Variants in ROBO2 observed in about 807,000 individuals in gnomAD.
ROBO2 encodes roundabout guidance receptor 2.
A neutral mutation model predicts 160.8 loss-of-function variants in ROBO2; 53 were observed. The observed-to-expected ratio is 0.33, with a 90% CI of 0.26 to 0.41. The LOEUF is 0.41. Ranked by LOEUF, ROBO2 falls within the 10% of genes least tolerant of loss-of-function variation. ROBO2 has a pLI of 1.00. For synonymous variants in ROBO2, 664 were observed against 611.7 expected, an observed-to-expected ratio of 1.09 and a Z score of -1.26; for missense variants, 1,577 against 1,722.4, an observed-to-expected ratio of 0.92 and a Z score of 1.49.
intron 2 of ROBO2, among the ~76,000 whole-genome samples, chr3:76,163,742 C>T (rs923995977): frequency 1.7e-4 from 24 of 141,660 alleles, no homozygotes; most frequent in Admixed American, 1.6e-3. Flanking sequence ...AATGCACATA[C>T]CATAATTAGT....
chr3:76,759,113 A>G (rs1443886572), intron 2 of ROBO2, among the ~76,000 whole-genome samples: 3 of 151,830 alleles, frequency 2.0e-5, no homozygotes, highest in Non-Finnish European at 2.9e-5. Context: ...TTAGAACTGG[A>G]ACGAAACTTA....
intron 2 of ROBO2, among the ~76,000 whole-genome samples, chr3:76,465,685 AC>A (rs1228130735): frequency 6.6e-5 from 10 of 151,990 alleles, no homozygotes; most frequent in African/African-American, 2.4e-4. Flanking sequence ...AGGTTGAAGA[AC>A]CACCATTTTA....
At chr3:76,783,888 A>G (rs1483595212) in intron 2 of ROBO2, among the ~76,000 whole-genome samples, 1 of 151,072 alleles carries the variant, frequency 6.6e-6, no homozygotes, top group Non-Finnish European at 1.5e-5. Context: ...CATACATATC[A>G]TCAGCTTTCT....
chr3:77,048,789 C>G (rs1026419390), intron 1 of ROBO2, among the ~76,000 whole-genome samples: 1 of 152,094 alleles, frequency 6.6e-6, no homozygotes, highest in Non-Finnish European at 1.5e-5. Context: ...GAAAGGATAG[C>G]CTGAATAAAA....
intron 2 of ROBO2, among the ~76,000 whole-genome samples, chr3:77,158,489 G>A (rs1215067086): frequency 6.6e-6 from 1 of 152,084 alleles, no homozygotes; most frequent in Non-Finnish European, 1.5e-5. Flanking sequence ...TGGAGAAAAA[G>A]TGGTTTACAA....
rs115300108 is a variant in ROBO2, at chr3:77,628,615, T to C, written c.3760+6183T>C. On this transcript the variant is annotated intron_variant, in intron 23 of 25. Transcript: ENST00000461745. ...AACATCTTATATACTATTTGATTCA[T>C]GGAATGTGGCCAAATGTCTTTTAAA... Among the ~76,000 whole-genome samples the C allele has an allele frequency of 3.0e-3, 451 of 152,308 alleles. 2 individuals carry two copies. The highest frequency in any genetic ancestry group is 0.01 in the African/African-American group (420 of 41,568).
intron 1 of ROBO2, among the ~76,000 whole-genome samples, chr3:77,056,001 G>A (rs908867282): frequency 1.2e-4 from 18 of 152,202 alleles, no homozygotes; most frequent in Non-Finnish European, 2.4e-4. Flanking sequence ...TTTTGAGAGA[G>A]GATTTAGGAC....
intron 2 of ROBO2, among the ~76,000 whole-genome samples, chr3:77,301,058 A>G (rs1053154216): frequency 3.5e-5 from 5 of 141,002 alleles, no homozygotes; most frequent in African/African-American, 6.4e-5. Context: ...TAGTAGAGAC[A>G]GGGTTTCACC....
At chr3:77,469,359 T>C (rs1262951740) in intron 2 of ROBO2, among the ~76,000 whole-genome samples, 2 of 152,122 alleles carry the variant, frequency 1.3e-5, no homozygotes, top group Non-Finnish European at 2.9e-5. Flanking sequence ...CTGCCACCTA[T>C]AGCCATGTAG....
chr3:76,205,718 A>C (rs1702768825), intron 2 of ROBO2, among the ~76,000 whole-genome samples: 1 of 152,084 alleles, frequency 6.6e-6, no homozygotes, highest in Non-Finnish European at 1.5e-5. Flanking sequence ...TTGCTCTTGC[A>C]CGTCTCTGGG....
At chr3:77,223,814 T>C (rs1192587790) in intron 2 of ROBO2, among the ~76,000 whole-genome samples, 1 of 151,970 alleles carries the variant, frequency 6.6e-6, no homozygotes. Flanking sequence ...TTTTCTTCCT[T>C]CTGGTTTGGA....
At chr3:77,403,251 C>T (rs62249789) in intron 2 of ROBO2, among the ~76,000 whole-genome samples, 11,685 of 152,178 alleles carry the variant, frequency 0.077, 529 homozygotes, top group African/African-American at 0.099. Context: ...CTACTTTCAG[C>T]GATGTTCAAG....
Position 76,829,948 on chromosome 3 carries a change from G to A in ROBO2, c.110-268066G>A, listed in dbSNP as rs142214831. On this transcript the variant is annotated intron_variant, in intron 2 of 26. Transcript: ENST00000487694. ...CTCCCCAAGTGCTGGGATTACAGGC[G>A]TAAGCCACCGTACCCAGCCTAGATG... Among the ~76,000 whole-genome samples, 1,440 of 152,274 alleles carry A rather than the reference G, an allele frequency of 9.5e-3. 21 individuals are homozygous for A. The highest frequency in any genetic ancestry group is 0.032 in the African/African-American group (1,349 of 41,548).
At chr3:76,825,278 G>A (rs1160087637) in intron 2 of ROBO2, among the ~76,000 whole-genome samples, 1 of 152,120 alleles carries the variant, frequency 6.6e-6, no homozygotes, top group Admixed American at 6.6e-5. Flanking sequence ...GCAATAAATG[G>A]ATGACTGGCA....
chr3:75,985,939 T>C (rs1007577851), intron 2 of ROBO2, among the ~76,000 whole-genome samples: 2 of 151,716 alleles, frequency 1.3e-5, no homozygotes, highest in African/African-American at 2.4e-5. Flanking sequence ...TGCTTATCCA[T>C]TAATCCATTG....
chr3:76,004,671 A>G (rs912570263), intron 2 of ROBO2, among the ~76,000 whole-genome samples: 1 of 152,108 alleles, frequency 6.6e-6, no homozygotes, highest in Non-Finnish European at 1.5e-5. Context: ...TGTTCTTATG[A>G]CCTAATCACC....
At chr3:76,746,341 A>G (rs2093891395) in intron 2 of ROBO2, among the ~76,000 whole-genome samples, 2 of 151,928 alleles carry the variant, frequency 1.3e-5, no homozygotes, top group South Asian at 2.1e-4. Flanking sequence ...TCCTTTGGGT[A>G]TATACCCAGT....
In ROBO2 at chr3:77,210,852, T is replaced by A. The variant is rs572010147; in HGVS notation, c.388+112512T>A. On this transcript the variant is annotated intron_variant, in intron 2 of 25. Transcript: ENST00000461745. The stretch of plus-strand genomic sequence containing the variant: ...GAACACGTGGTGTTTGGTTGTCTGA[T>A]CTTGTGATAGTTTACTGAGAATGAT... Among the ~76,000 whole-genome samples the A allele has an allele frequency of 2.7e-3, 411 of 152,008 alleles. 1 individual carries two copies. Among genetic ancestry groups the A allele is most frequent in the African/African-American group, 9.5e-3 (392 of 41,458 alleles).
At chr3:75,999,424 G>A (rs777967510) in intron 2 of ROBO2, among the ~76,000 whole-genome samples, 1 of 152,144 alleles carries the variant, frequency 6.6e-6, no homozygotes, top group Non-Finnish European at 1.5e-5. Context: ...GCAAAACTGA[G>A]CATTGAAGTG....
Sources: allele counts gnomAD v4.1 joint callset (sites outside exome capture counted in the v4.1 genomes callset), GRCh38; gene constraint gnomAD v4.1.1; transcripts MANE v1.5; gene names NCBI Gene and HGNC (gene_info 2026-07-23, HGNC 2026-07-21).